Variants in OR56A3 observed in about 807,000 individuals in gnomAD.
The protein encoded by OR56A3 is olfactory receptor family 56 subfamily A member 3, also known as olfactory receptor 56A3.
In OR56A3, 23 loss-of-function variants were observed where a neutral mutation model predicts 17.5. That is an observed-to-expected ratio of 1.32 (90% confidence interval 0.95 to 1.87). The LOEUF (loss-of-function observed/expected upper bound fraction) is 1.87, where lower values mean the gene tolerates loss of function less well. Among genes scored for constraint, OR56A3 ranks in the 40% most tolerant of loss-of-function variants. The pLI, the probability that OR56A3 is intolerant of heterozygous loss-of-function variation, is 0.00. For missense variants in OR56A3, 366 were observed against 380.1 expected, an observed-to-expected ratio of 0.96 and a Z score of 0.31; for synonymous variants, 175 against 150.6, an observed-to-expected ratio of 1.16 and a Z score of -1.19.
chr11:6,014,989 C>CAAA, the OR56A3 span, among the ~76,000 whole-genome samples: 1,138 of 35,180 alleles, frequency 0.032, 303 homozygotes, highest in African/African-American at 0.092. Context: ...TATTCATGGG[C>CAAA]AAAAAAAAAA....
the OR56A3 span, among the ~76,000 whole-genome samples, chr11:5,996,829 A>G: frequency 2.0e-5 from 3 of 152,212 alleles, no homozygotes; most frequent in Non-Finnish European, 4.4e-5. Flanking sequence ...AACAAAAGAT[A>G]AAAATTAACC....
At chr11:5,998,502 A>T in the OR56A3 span, among the ~76,000 whole-genome samples, 2 of 152,200 alleles carry the variant, frequency 1.3e-5, no homozygotes. Context: ...GATAACACCA[A>T]GGGAAGGGAC....
the OR56A3 span, among the ~76,000 whole-genome samples, chr11:6,008,512 A>G: frequency 6.6e-6 from 1 of 152,004 alleles, no homozygotes; most frequent in Non-Finnish European, 1.5e-5. Context: ...CTCTCAGATC[A>G]TGGGAAGGTT....
At chr11:6,017,205 G>A in the OR56A3 span, 1 of 152,122 alleles carries the variant, frequency 6.6e-6, no homozygotes, top group Non-Finnish European at 1.5e-5. Flanking sequence ...GTTCTAGAAA[G>A]AGAAGAGAGA....
At chr11:5,994,453 A>G in the OR56A3 span, 1 of 739,502 alleles carries the variant, frequency 1.4e-6, no homozygotes, top group Non-Finnish European at 2.5e-6. Flanking sequence ...ATTTGGGGGC[A>G]TCTGTCTCCA....
the OR56A3 span, among the ~76,000 whole-genome samples, chr11:5,974,892 C>T: frequency 1.3e-5 from 2 of 152,190 alleles, no homozygotes; most frequent in South Asian, 4.1e-4. Context: ...TTATAGTAAG[C>T]ACTATATGAG....
chr11:5,976,261 T>G, the OR56A3 span, among the ~76,000 whole-genome samples: 1 of 150,758 alleles, frequency 6.6e-6, no homozygotes, highest in African/African-American at 2.4e-5. Context: ...AAAGGAACTT[T>G]AAGGAAAGAG....
At chr11:6,001,775 G>T in the OR56A3 span, 1 of 347,608 alleles carries the variant, frequency 2.9e-6, no homozygotes, top group Non-Finnish European at 5.1e-6. Context: ...AGCTCCATTT[G>T]TCAAAGTCTT....
the OR56A3 span, among the ~76,000 whole-genome samples, chr11:6,010,804 G>A: frequency 6.8e-6 from 1 of 147,354 alleles, no homozygotes; most frequent in African/African-American, 2.6e-5. Flanking sequence ...CTAATGCCTA[G>A]TTCAAGACAG....
chr11:5,965,478 T>C, the OR56A3 span, among the ~76,000 whole-genome samples: 2 of 152,330 alleles, frequency 1.3e-5, no homozygotes, highest in East Asian at 1.9e-4. Context: ...TAAGATTGCA[T>C]TGAACTGTGA....
In OR56A3 at chr11:5,948,891, C is replaced by T. The variant is rs1037918033; in HGVS notation, c.*597C>T. 6.5e-6 allele frequency: 1 copy of T among 153,288 alleles called. No individual in the cohort carries two copies. Among genetic ancestry groups the T allele is most frequent in the Admixed American group, 6.5e-5 (1 of 15,464 alleles). 9.5% of individuals were successfully genotyped at this position (153,288 alleles called of 1,614,324 possible). A position where few individuals can be genotyped will look rare whatever the true frequency, so the allele number is the denominator to read the frequency against. On this transcript the variant is annotated 3_prime_UTR_variant, in exon 3 of 3. Transcript: ENST00000641160. ...AAGACAAGTAAATTTTTGTAATGTGCATTGCAAGAGGGCAAGGGTTTTGCC... is the reference window on the plus strand; with the variant it reads ...AAGACAAGTAAATTTTTGTAATGTGTATTGCAAGAGGGCAAGGGTTTTGCC...
chr11:5,994,418 G>T, the OR56A3 span: 2 of 728,514 alleles, frequency 2.7e-6, no homozygotes, highest in Non-Finnish European at 5.1e-6. Flanking sequence ...CCTGATGTCT[G>T]CCATGATCTT....
chr11:6,013,434 G>A, the OR56A3 span, among the ~76,000 whole-genome samples: 1 of 152,226 alleles, frequency 6.6e-6, no homozygotes, highest in Non-Finnish European at 1.5e-5. Context: ...AGGCCCAGCT[G>A]TTGGGAGTGT....
chr11:5,973,853 G>C, the OR56A3 span, among the ~76,000 whole-genome samples: 1 of 152,154 alleles, frequency 6.6e-6, no homozygotes, highest in African/African-American at 2.4e-5. Flanking sequence ...GGACAAGATT[G>C]GGTATTTATT....
the OR56A3 span, chr11:6,001,042 T>C: frequency 6.6e-6 from 1 of 152,248 alleles, no homozygotes; most frequent in Admixed American, 6.5e-5. Context: ...TAAGACTGTT[T>C]ATATTCCTTG....
the OR56A3 span, chr11:6,003,150 C>T: frequency 1.3e-6 from 2 of 1,550,296 alleles, no homozygotes; most frequent in Admixed American, 3.8e-5. Flanking sequence ...TGTCATCATC[C>T]TCCCTTATAT....
At chr11:5,956,237 G>T (rs371007789), downstream of OR56A3, among the ~76,000 whole-genome samples, 199 of 152,292 alleles carry the variant, frequency 1.3e-3, no homozygotes, top group African/African-American at 4.6e-3. Flanking sequence ...AGAAGATTAT[G>T]ATGTTAGTTC....
chr11:5,983,388 T>G, the OR56A3 span, among the ~76,000 whole-genome samples: 1 of 152,050 alleles, frequency 6.6e-6, no homozygotes. Flanking sequence ...ATTATTTAAC[T>G]CTTTTCATGC....
chr11:5,986,099 G>C, the OR56A3 span: 1 of 1,613,860 alleles, frequency 6.2e-7, no homozygotes, highest in African/African-American at 1.3e-5. Context: ...CGGTGAGTGA[G>C]GAAGGAGAAA....
Sources: allele counts gnomAD v4.1 joint callset (sites outside exome capture counted in the v4.1 genomes callset), GRCh38; gene constraint gnomAD v4.1.1; transcripts MANE v1.5; gene names NCBI Gene and HGNC (gene_info 2026-07-23, HGNC 2026-07-21).